AGMO: variants seen among roughly 807,000 people sequenced by gnomAD.
AGMO encodes alkylglycerol monooxygenase.
In AGMO, 75 loss-of-function variants were observed where a neutral mutation model predicts 60.2. The observed-to-expected ratio is 1.25, with a 90% CI of 1.03 to 1.51. The LOEUF (loss-of-function observed/expected upper bound fraction) is 1.51. Ranked by LOEUF, AGMO falls within the 40% of genes most tolerant of loss-of-function variation. The pLI is 0.00. For missense variants in AGMO, 763 were observed against 525.5 expected (o/e 1.45, Z -4.42); for synonymous variants, 261 against 177.1 (o/e 1.47, Z -3.76).
chr7:15,389,901 G>T (rs1379708492), intron 8 of AGMO, among the ~76,000 whole-genome samples: 1 of 152,176 alleles, frequency 6.6e-6, no homozygotes, highest in Non-Finnish European at 1.5e-5. Flanking sequence ...AACTTTCAGT[G>T]AAACTCGAAG....
At position 15,200,437 on chromosome 7, in the gene AGMO, G is replaced by A. The variant is rs1241332783; in HGVS notation, c.*848C>T. ...GACCAAGCATATTAGAGAAATGTAT[G>A]ACAAAGTAACCTGTTGAAAAAACTA... On this transcript the variant is annotated 3_prime_UTR_variant, in exon 13 of 13. Transcript: ENST00000342526. The A allele has an allele frequency of 1.3e-5, 2 of 152,228 alleles. No individual in the cohort carries two copies. The highest frequency in any genetic ancestry group is 4.8e-5 in the African/African-American group (2 of 41,466). The allele number at this position is 152,228 out of a possible 1,614,324, so 9.4% of individuals were successfully genotyped here. A position where few individuals can be genotyped will look rare whatever the true frequency, so the allele number is the denominator to read the frequency against.
the AGMO span, among the ~76,000 whole-genome samples, chr7:15,154,142 C>T: frequency 6.6e-6 from 1 of 152,140 alleles, no homozygotes; most frequent in East Asian, 1.9e-4. Flanking sequence ...AAAGATTCAT[C>T]CAAAAAGCTC....
intron 3 of AGMO, among the ~76,000 whole-genome samples, chr7:15,492,880 C>T (rs1455119993): frequency 6.6e-6 from 1 of 152,082 alleles, no homozygotes; most frequent in Non-Finnish European, 1.5e-5. Context: ...TCTTACCAGC[C>T]CCTCTGTCTT....
At chr7:15,181,629 T>C in the AGMO span, among the ~76,000 whole-genome samples, 1 of 152,190 alleles carries the variant, frequency 6.6e-6, no homozygotes, top group Admixed American at 6.6e-5. Context: ...TTATATATAT[T>C]ATCTAAAACT....
chr7:15,352,913 T>C (rs988976802), intron 12 of AGMO, among the ~76,000 whole-genome samples: 2 of 152,066 alleles, frequency 1.3e-5, no homozygotes, highest in Admixed American at 1.3e-4. Flanking sequence ...ATCATAAGAT[T>C]GTGTTTACTT....
intron 12 of AGMO, among the ~76,000 whole-genome samples, chr7:15,270,589 G>A (rs1347639164): frequency 1.8e-5 from 1 of 54,556 alleles, no homozygotes; most frequent in African/African-American, 7.9e-5. Flanking sequence ...AATTTAATCT[G>A]TTGATAATTT....
the AGMO span, among the ~76,000 whole-genome samples, chr7:15,176,553 A>G: frequency 2.6e-5 from 4 of 152,084 alleles, no homozygotes; most frequent in East Asian, 5.8e-4. Context: ...TTATTTGACA[A>G]ATAAAAATTA....
chr7:15,369,128 C>A (rs1385402964), intron 10 of AGMO, among the ~76,000 whole-genome samples: 1 of 151,936 alleles, frequency 6.6e-6, no homozygotes, highest in African/African-American at 2.4e-5. Context: ...TAAAATATAT[C>A]CAGAATAAAA....
At position 15,522,171 on chromosome 7, in the gene AGMO, T is replaced by C. The variant is rs574521408; in HGVS notation, c.409+22601A>G. On this transcript the variant is annotated intron_variant, in intron 3 of 12. Coordinates refer to ENST00000342526, the MANE Select transcript of AGMO (RefSeq NM_001004320.2). ...TGTAAAGGACCTCTTCAAGGAGAAC[T>C]ACAAACCACTGCTCAAGGATATGAG... Among the ~76,000 whole-genome samples, 12 of 152,210 alleles carry C rather than the reference T, an allele frequency of 7.9e-5. No homozygotes were observed. In the East Asian group the frequency reaches 2.3e-3, roughly 29 times the overall value.
chr7:15,515,219 G>A (rs886267924), intron 3 of AGMO, among the ~76,000 whole-genome samples: 6 of 152,174 alleles, frequency 3.9e-5, no homozygotes, highest in African/African-American at 1.4e-4. Context: ...TTTACTCTGG[G>A]AAAACTCTCT....
chr7:15,206,653 G>T (rs2115471367), intron 12 of AGMO, among the ~76,000 whole-genome samples: 1 of 152,186 alleles, frequency 6.6e-6, no homozygotes, highest in African/African-American at 2.4e-5. Flanking sequence ...TTATTGAAAA[G>T]AATATCAATA....
intron 12 of AGMO, among the ~76,000 whole-genome samples, chr7:15,252,859 T>G (rs548650729): frequency 1.8e-4 from 28 of 152,112 alleles, no homozygotes; most frequent in South Asian, 1.5e-3. Flanking sequence ...GGGCAGTAAG[T>G]TGAAAGAAAA....
chr7:15,408,569 T>C (rs781010291), intron 5 of AGMO, among the ~76,000 whole-genome samples: 1 of 151,834 alleles, frequency 6.6e-6, no homozygotes, highest in Non-Finnish European at 1.5e-5. Context: ...TTAACAATTA[T>C]GCCAGAAAAA....
intron 12 of AGMO, among the ~76,000 whole-genome samples, chr7:15,352,735 G>A (rs2128554486): frequency 6.6e-6 from 1 of 151,722 alleles, no homozygotes; most frequent in South Asian, 2.1e-4. Flanking sequence ...AAATATCCAT[G>A]CGCCTTTTTC....
At chr7:15,421,081 G>A (rs1032034116) in intron 4 of AGMO, among the ~76,000 whole-genome samples, 3 of 152,138 alleles carry the variant, frequency 2.0e-5, no homozygotes, top group Non-Finnish European at 4.4e-5. Context: ...ACAGTATCAT[G>A]AAGCAAGAAA....
intron 3 of AGMO, among the ~76,000 whole-genome samples, chr7:15,511,748 T>C (rs901388971): frequency 2.0e-5 from 3 of 152,192 alleles, no homozygotes; most frequent in African/African-American, 7.2e-5. Context: ...ATGTTGAATA[T>C]ATAGTTTTAT....
intron 3 of AGMO, among the ~76,000 whole-genome samples, chr7:15,507,806 A>G (rs901198040): frequency 6.6e-6 from 1 of 152,062 alleles, no homozygotes; most frequent in Non-Finnish European, 1.5e-5. Context: ...AGCATATTAG[A>G]TAGATATTAC....
chr7:15,539,605 C>A (rs963862510), intron 3 of AGMO, among the ~76,000 whole-genome samples: 2 of 152,154 alleles, frequency 1.3e-5, no homozygotes, highest in African/African-American at 4.8e-5. Flanking sequence ...TGAACATACA[C>A]ATGCATGTGT....
intron 5 of AGMO, among the ~76,000 whole-genome samples, chr7:15,395,367 T>C (rs1480234248): frequency 6.6e-6 from 1 of 152,162 alleles, no homozygotes; most frequent in African/African-American, 2.4e-5. Flanking sequence ...TTAAGATGCA[T>C]AACTAAATTT....
Sources: allele counts gnomAD v4.1 joint callset (sites outside exome capture counted in the v4.1 genomes callset), GRCh38; gene constraint gnomAD v4.1.1; transcripts MANE v1.5; gene names NCBI Gene and HGNC (gene_info 2026-07-23, HGNC 2026-07-21).